The following XRCC2 variants were observed in gnomAD, a reference collection of about 807,000 sequenced individuals.
XRCC2 encodes DNA repair protein XRCC2.
In XRCC2, 24 loss-of-function variants were observed where a neutral mutation model predicts 27.3. The ratio of observed to expected loss-of-function variants is 0.88; its 90% confidence interval spans 0.64 to 1.24. The LOEUF (loss-of-function observed/expected upper bound fraction) is 1.24, where lower values mean the gene tolerates loss of function less well. Ranked by LOEUF, XRCC2 falls within the 50% of genes most tolerant of loss-of-function variation. The probability of loss-of-function intolerance (pLI) is 0.00; values close to 1 mark genes in which losing one functional copy is unlikely to be tolerated. For synonymous variants in XRCC2, 106 were observed against 115.4 expected (o/e 0.92, Z 0.52); for missense variants, 321 against 325.8 (o/e 0.99, Z 0.11).
intron 1 of XRCC2, among the ~76,000 whole-genome samples, chr7:152,671,521 ACTCTT>A (rs775179202): frequency 2.0e-5 from 3 of 152,162 alleles, no homozygotes; most frequent in Non-Finnish European, 4.4e-5. Flanking sequence ...TACATACAAT[ACTCTT>A]CTCTTATACC....
intron 2 of XRCC2, among the ~76,000 whole-genome samples, chr7:152,657,682 A>G (rs2098031269): frequency 1.3e-5 from 2 of 152,220 alleles, no homozygotes; most frequent in Non-Finnish European, 2.9e-5. Context: ...GATGTAGGGA[A>G]TACCTATACA....
chr7:152,655,892 A>C (rs942328204), intron 2 of XRCC2, among the ~76,000 whole-genome samples: 23 of 152,000 alleles, frequency 1.5e-4, no homozygotes, highest in African/African-American at 5.1e-4. Context: ...TCTGCCTGTA[A>C]TTCCAGCTAT....
At chr7:152,654,197 C>CAAAAAAAA (rs11411109) in intron 2 of XRCC2, among the ~76,000 whole-genome samples, 1 of 92,168 alleles carries the variant, frequency 1.1e-5, no homozygotes, top group African/African-American at 4.6e-5. Context: ...AACTCCATCT[C>CAAAAAAAA]AAAAAAAAAA....
intron 1 of XRCC2, among the ~76,000 whole-genome samples, chr7:152,665,000 C>T (rs1033047056): frequency 1.3e-5 from 2 of 152,022 alleles, no homozygotes; most frequent in Non-Finnish European, 2.9e-5. Context: ...TTGCCCTACA[C>T]GAGCATGCAC....
In XRCC2 at chr7:152,644,980, TTC is replaced by T. The variant is rs1179461889; in HGVS notation, c.*3660_*3661del. On this transcript the variant is annotated 3_prime_UTR_variant, in exon 3 of 3. Transcript: ENST00000359321. ...ATGATTCAGATGATTCTGATGTTAGTTCTGTTTAGAAATAACTCCAAGAATAG... is the reference window on the plus strand; with the variant it reads ...ATGATTCAGATGATTCTGATGTTAGTTGTTTAGAAATAACTCCAAGAATAG... 3 of 152,192 alleles carry T rather than the reference TTC, an allele frequency of 2.0e-5. No individual in the cohort carries two copies. The highest frequency in any genetic ancestry group is 1.9e-4 in the East Asian group (1 of 5,200). 9.4% of individuals were successfully genotyped at this position (152,192 alleles called of 1,614,324 possible).
chr7:152,672,496 G>A (rs975610913), intron 1 of XRCC2, among the ~76,000 whole-genome samples: 6 of 152,196 alleles, frequency 3.9e-5, no homozygotes, highest in African/African-American at 1.4e-4. Flanking sequence ...TAAGGGAACT[G>A]AGAAATCAGT....
chr7:152,648,583 C>G lies in XRCC2; in HGVS notation c.*59G>C. ...CCTGGGAGACAGAGCAAGACTCTGT[C>G]TTAAGAAAAATTTTAAGGCTTGCGT... On this transcript the variant is annotated 3_prime_UTR_variant, in exon 3 of 3. Transcript: ENST00000359321. 1.3e-6 allele frequency: 2 copies of G among 1,509,266 alleles called. No individual in the cohort carries two copies. The highest frequency in any genetic ancestry group is 2.5e-4 in the Middle Eastern group (1 of 4,016). 93.5% of individuals were successfully genotyped at this position (1,509,266 alleles called of 1,614,324 possible). A position where few individuals can be genotyped will look rare whatever the true frequency, so the allele number is the denominator to read the frequency against.
In XRCC2 at chr7:152,648,995, C is replaced by G. The variant is rs1215678098; in HGVS notation, c.490G>C (p.Glu164Gln). The part of the protein sequence containing the change: ...FYWIDRVNGG[E>Q]SVNLQESTLR... ...GTAGACTCCTGTAAGTTCACACTTT[C>G]TCCTCCATTGACGCGGTCTATCCAG... is the stretch of plus-strand genomic sequence containing the variant. The change falls in exon 3 of 3, where the codon GAA (glutamate) becomes CAA (glutamine). Residue 164 changes from glutamate to glutamine, a missense_variant. Physicochemically the swap from Glu to Gln is conservative, Grantham distance 29. Coordinates refer to ENST00000359321, the MANE Select transcript of XRCC2 (RefSeq NM_005431.2). 6.2e-7 allele frequency: 1 copy of G among 1,614,094 alleles called. No individual in the cohort carries two copies. The highest frequency in any genetic ancestry group is 1.3e-5 in the African/African-American group (1 of 74,922).
In XRCC2 at chr7:152,674,245, C is replaced by G. The variant is rs559886813; in HGVS notation, c.39+1796G>C. 6.7e-4 allele frequency among the ~76,000 whole-genome samples: 102 copies of G among 152,306 alleles called. No homozygotes were observed. In the South Asian group the frequency reaches 0.02, roughly 29 times the overall value. Reference sequence around the variant, plus strand: ...TTCCATGACTTAACTGTGCTAGACTCTCATTTTTTGGATACAAGGCTTGTT... The same window carrying G: ...TTCCATGACTTAACTGTGCTAGACTGTCATTTTTTGGATACAAGGCTTGTT... On this transcript the variant is annotated intron_variant, in intron 1 of 2. Transcript: ENST00000359321.
chr7:152,674,333 T>C (rs2098039416), intron 1 of XRCC2, among the ~76,000 whole-genome samples: 1 of 152,134 alleles, frequency 6.6e-6, no homozygotes, highest in Non-Finnish European at 1.5e-5. Flanking sequence ...TATAAGGTTT[T>C]GGCCGGGCGC....
rs995224782 is a variant in XRCC2 at position 152,644,867 on chromosome 7, T to G, written c.*3775A>C. ...AAATGTCAAATCCTGGAAAATGTAG[T>G]ATTCCTACACGTGATGTTAACATCG... On this transcript the variant is annotated 3_prime_UTR_variant, in exon 3 of 3. Transcript: ENST00000359321. The G allele has an allele frequency of 6.6e-6, 1 of 152,236 alleles. No individual in the cohort carries two copies. The highest frequency in any genetic ancestry group is 2.4e-5 in the African/African-American group (1 of 41,468). 9.4% of individuals were successfully genotyped at this position (152,236 alleles called of 1,614,324 possible). A position where few individuals can be genotyped will look rare whatever the true frequency, so the allele number is the denominator to read the frequency against.
chr7:152,673,952 A>G (rs1194851597), intron 1 of XRCC2, among the ~76,000 whole-genome samples: 1 of 152,216 alleles, frequency 6.6e-6, no homozygotes, highest in Admixed American at 6.5e-5. Flanking sequence ...ATTCCTCAAC[A>G]CAATCCCTCC....
chr7:152,665,919 G>T (rs761817587), intron 1 of XRCC2, among the ~76,000 whole-genome samples: 1 of 152,102 alleles, frequency 6.6e-6, no homozygotes, highest in Non-Finnish European at 1.5e-5. Flanking sequence ...CTTTCCCAAC[G>T]TGACTTTCTC....
At chr7:152,669,695 G>T (rs2098037369) in intron 1 of XRCC2, among the ~76,000 whole-genome samples, 1 of 151,918 alleles carries the variant, frequency 6.6e-6, no homozygotes, top group Non-Finnish European at 1.5e-5. Context: ...GAGCCACCAT[G>T]CCTGGCCACT....
rs3218411 is a variant in XRCC2 at position 152,669,923 on chromosome 7, A to G, written c.39+6118T>C. ...ATAGTGTAACCTATTTAAACTAAAC[A>G]GTCAAAAGGCTGTAAAAAAAAAAAA... On this transcript the variant is annotated intron_variant, in intron 1 of 2. Coordinates refer to ENST00000359321, the MANE Select transcript of XRCC2 (RefSeq NM_005431.2). 7.7e-3 allele frequency among the ~76,000 whole-genome samples: 1,159 copies of G among 150,502 alleles called. 15 individuals are homozygous for G. The highest frequency in any genetic ancestry group is 0.027 in the African/African-American group (1,084 of 40,866).
chr7:152,667,853 C>T (rs749940349), intron 1 of XRCC2, among the ~76,000 whole-genome samples: 3 of 151,822 alleles, frequency 2.0e-5, no homozygotes, highest in Non-Finnish European at 4.4e-5. Flanking sequence ...TGGTGAAACC[C>T]CCATCTCTAT....
chr7:152,671,945 GT>G (rs1000123683), intron 1 of XRCC2, among the ~76,000 whole-genome samples: 7 of 152,202 alleles, frequency 4.6e-5, no homozygotes, highest in African/African-American at 1.4e-4. Context: ...GGAGGCTGAG[GT>G]GGGAGAATCA....
At chr7:152,674,702 TA>T (rs2098039627) in intron 1 of XRCC2, among the ~76,000 whole-genome samples, 1 of 117,476 alleles carries the variant, frequency 8.5e-6, no homozygotes, top group Non-Finnish European at 1.6e-5. Context: ...TTTAAATATA[TA>T]TTTATATAAT....
At chr7:152,666,491 C>G (rs900307725) in intron 1 of XRCC2, among the ~76,000 whole-genome samples, 1 of 152,112 alleles carries the variant, frequency 6.6e-6, no homozygotes, top group Non-Finnish European at 1.5e-5. Context: ...GGATTACAAG[C>G]ATGAGCCACC....
Sources: gnomAD v4.1 joint callset for allele counts (sites outside exome capture counted in the v4.1 genomes callset) on GRCh38, gnomAD v4.1.1 for gene constraint, MANE v1.5 for transcripts, NCBI Gene and HGNC (gene_info 2026-07-23, HGNC 2026-07-21) for gene names.